Variants in TENM2 observed in about 807,000 individuals in gnomAD.
TENM2 encodes the protein teneurin transmembrane protein 2.
A neutral mutation model predicts 245.2 loss-of-function variants in TENM2; 52 were observed. The observed-to-expected ratio is 0.21, with a 90% CI of 0.17 to 0.27. TENM2 has a LOEUF of 0.27. Ranked by LOEUF, TENM2 falls within the 10% of genes least tolerant of loss-of-function variation. The pLI, the probability that TENM2 is intolerant of heterozygous loss-of-function variation, is 1.00. For synonymous variants in TENM2, 1,363 were observed against 1,438.9 expected (o/e 0.95, Z 1.19); for missense variants, 3,046 against 3,666.8 (o/e 0.83, Z 4.37).
intron 5 of TENM2, among the ~76,000 whole-genome samples, chr5:168,014,866 C>G (rs1413156635): frequency 6.6e-6 from 1 of 152,164 alleles, no homozygotes; most frequent in Non-Finnish European, 1.5e-5. Context: ...TCTTGGGGAG[C>G]ATAATGGCGC....
intron 1 of TENM2, among the ~76,000 whole-genome samples, chr5:167,362,876 A>G (rs1404939994): frequency 6.6e-6 from 1 of 152,204 alleles, no homozygotes; most frequent in Non-Finnish European, 1.5e-5. Context: ...TACAATAATA[A>G]TAATAGTAAC....
intron 23 of TENM2, among the ~76,000 whole-genome samples, chr5:168,222,144 C>T (rs981636360): frequency 6.6e-6 from 1 of 152,224 alleles, no homozygotes; most frequent in African/African-American, 2.4e-5. Context: ...AAGAGTCAGA[C>T]AGATAGAGAC....
At chr5:167,553,317 G>T (rs527742523) in intron 2 of TENM2, among the ~76,000 whole-genome samples, 2 of 152,304 alleles carry the variant, frequency 1.3e-5, no homozygotes. Flanking sequence ...GCTGGGAGGA[G>T]GGTAGTATAA....
intron 2 of TENM2, chr5:167,755,083 C>T (rs771282253): frequency 1.2e-5 from 19 of 1,598,648 alleles, no homozygotes; most frequent in South Asian, 4.4e-5. Flanking sequence ...TGATCATTAG[C>T]GTTGCTGGCA....
chr5:167,561,948 G>C (rs1312966767), intron 2 of TENM2, among the ~76,000 whole-genome samples: 1 of 152,202 alleles, frequency 6.6e-6, no homozygotes, highest in East Asian at 1.9e-4. Context: ...TTCGTCATTT[G>C]CTGGGCTGGG....
chr5:167,803,885 A>T (rs1303793018), intron 2 of TENM2, among the ~76,000 whole-genome samples: 1 of 152,082 alleles, frequency 6.6e-6, no homozygotes, highest in Non-Finnish European at 1.5e-5. Context: ...GCTCCTGCCC[A>T]ATTTATTTCT....
chr5:166,981,119 T>G, the TENM2 span, among the ~76,000 whole-genome samples: 1 of 152,210 alleles, frequency 6.6e-6, no homozygotes, highest in East Asian at 1.9e-4. Context: ...TAAGGCACCA[T>G]GCAAATTCAC....
At chr5:167,281,252 C>A (rs1013915999), upstream of TENM2, among the ~76,000 whole-genome samples, 3 of 150,970 alleles carry the variant, frequency 2.0e-5, no homozygotes, top group African/African-American at 7.3e-5. Context: ...GGATTACAGG[C>A]ACCTGCCACC....
chr5:167,659,288 A>G (rs1275494736), intron 2 of TENM2, among the ~76,000 whole-genome samples: 1 of 152,136 alleles, frequency 6.6e-6, no homozygotes, highest in Non-Finnish European at 1.5e-5. Flanking sequence ...GTTGTATTGA[A>G]CTCCTATTAT....
At chr5:167,076,353 AAGAC>A in the TENM2 span, among the ~76,000 whole-genome samples, 5 of 152,232 alleles carry the variant, frequency 3.3e-5, no homozygotes, top group African/African-American at 1.2e-4. Context: ...ATAAAAGAGA[AAGAC>A]AGTAAAAAAT....
chr5:167,424,515 A>G (rs1043544252), intron 2 of TENM2, among the ~76,000 whole-genome samples: 37 of 152,208 alleles, frequency 2.4e-4, no homozygotes, highest in Non-Finnish European at 5.0e-4. Context: ...TAAAAGGATA[A>G]TAATTTTGCC....
chr5:167,110,029 C>G, the TENM2 span, among the ~76,000 whole-genome samples: 1 of 152,150 alleles, frequency 6.6e-6, no homozygotes, highest in African/African-American at 2.4e-5. Context: ...GGGTAACTTT[C>G]TAAGTTGTCT....
intron 2 of TENM2, among the ~76,000 whole-genome samples, chr5:167,619,090 G>A (rs1309436056): frequency 1.3e-5 from 2 of 152,066 alleles, no homozygotes; most frequent in Non-Finnish European, 2.9e-5. Context: ...CAGTGTTCTA[G>A]ATCTTCCAGT....
intron 2 of TENM2, among the ~76,000 whole-genome samples, chr5:167,390,131 C>A (rs1254762952): frequency 6.6e-6 from 1 of 152,122 alleles, no homozygotes; most frequent in Non-Finnish European, 1.5e-5. Context: ...CAAAAGCATG[C>A]GACTTATTTT....
At chr5:167,107,402 A>G in the TENM2 span, among the ~76,000 whole-genome samples, 1 of 152,244 alleles carries the variant, frequency 6.6e-6, no homozygotes, top group Non-Finnish European at 1.5e-5. Flanking sequence ...ATGTGACTAT[A>G]GGATCAATAA....
intron 1 of TENM2, among the ~76,000 whole-genome samples, chr5:167,302,963 G>A (rs1755436254): frequency 6.6e-6 from 1 of 152,150 alleles, no homozygotes; most frequent in Non-Finnish European, 1.5e-5. Context: ...GGAGTTTTGG[G>A]TCCATGGATA....
chr5:168,245,300 A>G (rs894659796), intron 26 of TENM2, among the ~76,000 whole-genome samples: 68 of 152,122 alleles, frequency 4.5e-4, no homozygotes, highest in Non-Finnish European at 8.5e-4. Flanking sequence ...TCAAAAAAGA[A>G]AAAAGTACTG....
At chr5:167,380,128 T>C (rs1761012944) in intron 2 of TENM2, among the ~76,000 whole-genome samples, 1 of 152,104 alleles carries the variant, frequency 6.6e-6, no homozygotes, top group Non-Finnish European at 1.5e-5. Context: ...TGTTTTCCAT[T>C]CCTAAATGAA....
At chr5:168,156,871 C>T (rs775747119) in intron 12 of TENM2, among the ~76,000 whole-genome samples, 4 of 152,218 alleles carry the variant, frequency 2.6e-5, no homozygotes, top group Non-Finnish European at 4.4e-5. Context: ...ACAAACTAGA[C>T]ATGGTCCCTC....
Sources: gnomAD v4.1 joint callset for allele counts (sites outside exome capture counted in the v4.1 genomes callset) on GRCh38, gnomAD v4.1.1 for gene constraint, MANE v1.5 for transcripts, NCBI Gene and HGNC (gene_info 2026-07-23, HGNC 2026-07-21) for gene names.